The following RHEX variants were observed in gnomAD, a reference collection of about 807,000 sequenced individuals.
The protein encoded by RHEX is regulator of hemoglobinization and erythroid cell expansion protein.
In RHEX, 18 loss-of-function variants were observed where a neutral mutation model predicts 20.1. The observed-to-expected ratio is 0.90, with a 90% confidence interval of 0.62 to 1.33. RHEX has a LOEUF of 1.33. Among genes scored for constraint, RHEX ranks in the 40% most tolerant of loss-of-function variants. RHEX has a pLI of 0.00. For missense variants in RHEX, 192 were observed against 214.3 expected (o/e 0.90, Z 0.65); for synonymous variants, 87 against 77.1 (o/e 1.13, Z -0.67).
chr1:206,096,571 A>C (rs1663071984), intron 1 of RHEX, among the ~76,000 whole-genome samples: 1 of 152,166 alleles, frequency 6.6e-6, no homozygotes, highest in African/African-American at 2.4e-5. Context: ...ATCTGTACTG[A>C]AATTTATCTT....
chr1:206,087,940 A>C (rs985598894), intron 1 of RHEX, among the ~76,000 whole-genome samples: 2 of 152,178 alleles, frequency 1.3e-5, no homozygotes, highest in South Asian at 2.1e-4. Flanking sequence ...CATGTTGTAC[A>C]CAATAAATAT....
At chr1:206,070,735 A>G (rs1201517934) in intron 1 of RHEX, among the ~76,000 whole-genome samples, 2 of 152,160 alleles carry the variant, frequency 1.3e-5, no homozygotes, top group Non-Finnish European at 2.9e-5. Flanking sequence ...TAAATCCTCC[A>G]CAGACAATGC....
intron 1 of RHEX, among the ~76,000 whole-genome samples, chr1:206,075,514 G>T (rs1662621043): frequency 6.6e-6 from 1 of 152,058 alleles, no homozygotes; most frequent in Admixed American, 6.5e-5. Flanking sequence ...AAACTATTGT[G>T]GTGACAAAGC....
intron 1 of RHEX, among the ~76,000 whole-genome samples, chr1:206,096,776 T>TG (rs1553287730): frequency 0.017 from 2,420 of 142,110 alleles, 66 homozygotes; most frequent in African/African-American, 0.066. Flanking sequence ...TTTTTTTTTT[T>TG]TTTGGTTTTT....
chr1:206,101,573 C>G (rs1220999605), intron 5 of RHEX, among the ~76,000 whole-genome samples, 179 bp from the exon 6 acceptor site: 1 of 152,192 alleles, frequency 6.6e-6, no homozygotes, highest in Non-Finnish European at 1.5e-5. Flanking sequence ...ACAGGTGGAA[C>G]AAAGTCACTG....
intron 1 of RHEX, among the ~76,000 whole-genome samples, chr1:206,077,886 G>T (rs1662664935): frequency 6.6e-6 from 1 of 152,182 alleles, no homozygotes; most frequent in Non-Finnish European, 1.5e-5. Flanking sequence ...ATAAGTGGAA[G>T]AAAATGATTG....
At chr1:206,061,543 T>C (rs923971443) in intron 1 of RHEX, 2 of 152,220 alleles carry the variant, frequency 1.3e-5, no homozygotes, top group Admixed American at 1.3e-4. Flanking sequence ...CTAGGGCTTG[T>C]GCAGCAAGAA....
At chr1:206,096,525 T>A (rs1000669265) in intron 1 of RHEX, among the ~76,000 whole-genome samples, 1 of 152,146 alleles carries the variant, frequency 6.6e-6, no homozygotes, top group Admixed American at 6.5e-5. Context: ...CTGGCAGGGG[T>A]CTTGAGGAAC....
At chr1:206,094,548 T>C (rs1413488850) in intron 1 of RHEX, among the ~76,000 whole-genome samples, 1 of 152,244 alleles carries the variant, frequency 6.6e-6, no homozygotes, top group African/African-American at 2.4e-5. Flanking sequence ...GCAAGAACTC[T>C]GTGAAGTAGG....
chr1:206,101,768 A>G lies in RHEX; in HGVS notation c.335A>G (p.Asp112Gly). 6.2e-7 allele frequency: 1 copy of G among 1,613,476 alleles called. No individual in the cohort carries two copies. Among genetic ancestry groups the G allele is most frequent in the Non-Finnish European group, 8.5e-7 (1 of 1,179,832 alleles). Residue 112 changes from aspartate (D) to glycine (G), a missense_variant, in exon 6 of 6, where the codon GAT becomes GGT. Transcript: ENST00000331555. ...TCTCCTAAGGCCACAGAGGATGTGGATTACACACAAGTCGTCTTTTCTGAC... is the reference window on the plus strand; with the variant it reads ...TCTCCTAAGGCCACAGAGGATGTGGGTTACACACAAGTCGTCTTTTCTGAC... The part of the protein sequence containing the change: ...PPACQATEDV[D>G]YTQVVFSDPG...
At chr1:206,090,207 T>C (rs926270613) in intron 1 of RHEX, among the ~76,000 whole-genome samples, 6 of 144,630 alleles carry the variant, frequency 4.1e-5, no homozygotes, top group African/African-American at 1.0e-4. Context: ...TCTTTCTTTT[T>C]TTTTTTTTTT....
intron 1 of RHEX, among the ~76,000 whole-genome samples, chr1:206,096,035 A>G (rs963923252): frequency 2.6e-5 from 4 of 151,878 alleles, no homozygotes; most frequent in African/African-American, 9.7e-5. Context: ...TTGCTATGTT[A>G]CCCGGGCTGG....
At chr1:206,079,712 C>T (rs1384443130) in intron 1 of RHEX, among the ~76,000 whole-genome samples, 3 of 152,098 alleles carry the variant, frequency 2.0e-5, no homozygotes, top group Non-Finnish European at 2.9e-5. Context: ...TGTGCTACCA[C>T]GCCGGGCTAA....
At chr1:206,061,624 C>T (rs1457282718) in intron 1 of RHEX, 1 of 152,288 alleles carries the variant, frequency 6.6e-6, no homozygotes, top group Non-Finnish European at 1.5e-5. Context: ...TCCCTGGTGC[C>T]CAGCCATCTG....
At chr1:206,090,198 CTTTCTTTT>C in intron 1 of RHEX, among the ~76,000 whole-genome samples, 1 of 137,450 alleles carries the variant, frequency 7.3e-6, no homozygotes, top group East Asian at 2.1e-4. Flanking sequence ...CTTTTCTTTT[CTTTCTTTT>C]TTTTTTTTTT....
chr1:206,079,271 A>G (rs1450468367), intron 1 of RHEX, among the ~76,000 whole-genome samples: 1 of 152,212 alleles, frequency 6.6e-6, no homozygotes, highest in African/African-American at 2.4e-5. Flanking sequence ...ATTCATTGCT[A>G]TCTAGGTTGC....
intron 1 of RHEX, chr1:206,056,241 A>C (rs1662192785): frequency 6.5e-6 from 1 of 152,800 alleles, no homozygotes; most frequent in African/African-American, 2.4e-5. Context: ...GGAGCTGTAC[A>C]TGGATGGGAG....
chr1:206,073,851 C>T (rs1161335835), intron 1 of RHEX, among the ~76,000 whole-genome samples: 2 of 152,178 alleles, frequency 1.3e-5, no homozygotes, highest in African/African-American at 2.4e-5. Context: ...CACATTGCAA[C>T]CAGAGGGTTC....
At chr1:206,076,290 GAC>G (rs1553285221) in intron 1 of RHEX, among the ~76,000 whole-genome samples, 1 of 152,068 alleles carries the variant, frequency 6.6e-6, no homozygotes, top group African/African-American at 2.4e-5. Context: ...GAGTAGTTAG[GAC>G]TACAGGCATG....
Sources: allele counts gnomAD v4.1 joint callset (sites outside exome capture counted in the v4.1 genomes callset), GRCh38; gene constraint gnomAD v4.1.1; transcripts MANE v1.5; gene names NCBI Gene and HGNC (gene_info 2026-07-23, HGNC 2026-07-21).